MOSPD2: variants seen among roughly 807,000 people sequenced by gnomAD.
The protein encoded by MOSPD2 is motile sperm domain-containing protein 2.
Under a neutral mutation model 41.7 loss-of-function variants are expected in MOSPD2, and 5 were observed. The observed-to-expected ratio is 0.12, with a 90% CI of 0.06 to 0.25. The LOEUF (loss-of-function observed/expected upper bound fraction) is 0.25. Among genes scored for constraint, MOSPD2 ranks in the 10% least tolerant of loss-of-function variants. The probability of loss-of-function intolerance (pLI) is 1.00; values close to 1 mark genes in which losing one functional copy is unlikely to be tolerated. For missense variants in MOSPD2, 282 were observed against 375.2 expected, an observed-to-expected ratio of 0.75 and a Z score of 2.05; for synonymous variants, 115 against 126.9, an observed-to-expected ratio of 0.91 and a Z score of 0.63.
intron 2 of MOSPD2, among the ~76,000 whole-genome samples, chrX:14,880,854 T>C (rs1211607113): frequency 8.9e-6 from 1 of 112,385 alleles, no homozygotes; most frequent in Non-Finnish European, 1.9e-5. Flanking sequence ...ACTAATAGTT[T>C]AAGAATTTTA....
intron 2 of MOSPD2, chrX:14,874,015 G>T (rs1248560068): frequency 7.6e-6 from 3 of 396,052 alleles, no homozygotes; most frequent in Non-Finnish European, 8.9e-6. Context: ...GCATGCCCTC[G>T]TGTTTATGGA....
intron 4 of MOSPD2, among the ~76,000 whole-genome samples, chrX:14,895,901 A>T (rs1360435737): frequency 1.8e-5 from 2 of 110,942 alleles, no homozygotes; most frequent in Non-Finnish European, 3.8e-5. Context: ...GCCTGGTTTT[A>T]TACCAGGGAT....
At position 14,897,245 on chromosome X, in the gene MOSPD2, AT is replaced by A; in HGVS notation, c.477+13del. The A allele has an allele frequency of 8.5e-7, 1 of 1,179,546 alleles. No homozygotes were observed. The highest frequency in any genetic ancestry group is 1.1e-6 in the Non-Finnish European group (1 of 876,122). On this transcript the variant is annotated splice_region_variant and intron_variant, in intron 5 of 14. Transcript: ENST00000380492. Reference sequence around the variant, plus strand: ...AACTGGAATAAATAGCATTGTAAGCATTTTTTCATTCATTCCAAATCAGTGT... The same window carrying A: ...AACTGGAATAAATAGCATTGTAAGCATTTTTCATTCATTCCAAATCAGTGT...
chrX:14,904,674 A>G (rs902397511), intron 7 of MOSPD2, among the ~76,000 whole-genome samples: 1 of 112,018 alleles, frequency 8.9e-6, no homozygotes, highest in African/African-American at 3.2e-5. Flanking sequence ...ACAGAAAGTA[A>G]GGTGTAGGGC....
At chrX:14,898,183 A>T in intron 5 of MOSPD2, among the ~76,000 whole-genome samples, 1 of 112,141 alleles carries the variant, frequency 8.9e-6, no homozygotes, top group Middle Eastern at 4.6e-3. Flanking sequence ...ATTAGAAAAA[A>T]ATATAAATGT....
intron 2 of MOSPD2, among the ~76,000 whole-genome samples, chrX:14,880,405 CATA>C (rs2092529237): frequency 9.0e-6 from 1 of 111,280 alleles, no homozygotes; most frequent in African/African-American, 3.3e-5. Context: ...TTTTTATGTA[CATA>C]ATAACCACCT....
chrX:14,890,159 T>G (rs1386909465), intron 2 of MOSPD2, among the ~76,000 whole-genome samples: 3 of 111,037 alleles, frequency 2.7e-5, no homozygotes, highest in East Asian at 2.8e-4. Context: ...TCAAGGCAGG[T>G]AGTCATTGTA....
intron 7 of MOSPD2, among the ~76,000 whole-genome samples, chrX:14,904,376 C>G (rs1266854616): frequency 8.9e-6 from 1 of 111,752 alleles, no homozygotes; most frequent in Admixed American, 9.5e-5. Flanking sequence ...ATGTGATCAT[C>G]TCAAGAGACA....
At chrX:14,914,115 A>G (rs1297760551) in intron 10 of MOSPD2, among the ~76,000 whole-genome samples, 5 of 112,035 alleles carry the variant, frequency 4.5e-5, no homozygotes, top group African/African-American at 1.6e-4. Flanking sequence ...AATATGCCTC[A>G]TTCTAATTAT....
intron 2 of MOSPD2, among the ~76,000 whole-genome samples, chrX:14,881,510 A>G (rs921084861): frequency 8.9e-6 from 1 of 111,866 alleles, no homozygotes; most frequent in African/African-American, 3.3e-5. Context: ...GAGTTTGCCT[A>G]TGTGTCTAGA....
Position 14,921,581 on chromosome X carries a change from TC to T in MOSPD2, c.*1774del. The T allele has an allele frequency of 3.0e-6, 1 of 334,834 alleles. No homozygotes were observed. Among genetic ancestry groups the T allele is most frequent in the Non-Finnish European group, 4.8e-6 (1 of 210,204 alleles). The allele number at this position is 334,834 out of a possible 1,213,427, so 27.6% of individuals were successfully genotyped here. On this transcript the variant is annotated 3_prime_UTR_variant, in exon 15 of 15. Coordinates refer to ENST00000380492, the MANE Select transcript of MOSPD2 (RefSeq NM_152581.4). ...ATTAGCCAAGATTGAAAATGTATTG[TC>T]CTAACGGTGTCCCTTTAATGTTTCA...
At chrX:14,909,244 T>C (rs1312867728) in intron 8 of MOSPD2, among the ~76,000 whole-genome samples, 2 of 111,816 alleles carry the variant, frequency 1.8e-5, no homozygotes, top group Non-Finnish European at 3.8e-5. Context: ...AGTAAAAATA[T>C]CACCTCCTAC....
chrX:14,893,958 C>A (rs2092558394), intron 3 of MOSPD2, among the ~76,000 whole-genome samples: 1 of 111,893 alleles, frequency 8.9e-6, no homozygotes, highest in African/African-American at 3.3e-5. Context: ...AAAGATAAAT[C>A]TTTGAAAGGT....
In MOSPD2 at chrX:14,919,726, A is replaced by G. The variant is rs768684561; in HGVS notation, c.1474A>G (p.Ile492Val). ...RKLEDQVQRC[I>V]WFQQLLLSLT... is the part of the protein sequence containing the mutation. ...GCTTGAAGACCAAGTTCAGCGTTGT[A>G]TCTGGTTCCAGCAGCTGCTGCTTTC... Residue 492 changes from isoleucine to valine, a missense_variant, in exon 15 of 15, where the codon ATC becomes GTC. Coordinates refer to ENST00000380492, the MANE Select transcript of MOSPD2 (RefSeq NM_152581.4). 1 of 1,210,380 alleles carries G rather than the reference A, an allele frequency of 8.3e-7. No individual in the cohort carries two copies. Among genetic ancestry groups the G allele is most frequent in the East Asian group, 3.0e-5 (1 of 33,732 alleles).
At chrX:14,892,997 A>G (rs1357570574) in intron 3 of MOSPD2, 119 bp downstream of exon 3, 3 of 480,817 alleles carry the variant, frequency 6.2e-6, no homozygotes, top group Non-Finnish European at 1.0e-5. Flanking sequence ...CCAGAATATA[A>G]TTATTTATAA....
chrX:14,906,258 G>A (rs746620102), intron 7 of MOSPD2, among the ~76,000 whole-genome samples: 3 of 111,823 alleles, frequency 2.7e-5, no homozygotes, highest in South Asian at 3.7e-4. Context: ...CAGTGAAATC[G>A]AATTGAGGGT....
At chrX:14,873,611 C>T (rs2092511982) in intron 1 of MOSPD2, 74 bp downstream of exon 1, 1 of 1,205,208 alleles carries the variant, frequency 8.3e-7, no homozygotes, top group Non-Finnish European at 1.1e-6. Flanking sequence ...ACCGAGCGCC[C>T]GTGTGCAGGT....
At chrX:14,876,688 T>A (rs7061805) in intron 2 of MOSPD2, among the ~76,000 whole-genome samples, 2,854 of 111,787 alleles carry the variant, frequency 0.026, 77 homozygotes, top group African/African-American at 0.088. Flanking sequence ...TTGAGTACTC[T>A]TTATATGCCT....
At chrX:14,911,501 T>G in intron 9 of MOSPD2, 88 bp downstream of exon 9, 1 of 640,909 alleles carries the variant, frequency 1.6e-6, no homozygotes, top group Admixed American at 3.9e-5. Flanking sequence ...TTTGGGTAAT[T>G]CACTTAACCT....
Sources: allele counts gnomAD v4.1 joint callset (sites outside exome capture counted in the v4.1 genomes callset), GRCh38; gene constraint gnomAD v4.1.1; transcripts MANE v1.5; gene names NCBI Gene and HGNC (gene_info 2026-07-23, HGNC 2026-07-21).